Variants in TFEC observed in about 807,000 individuals in gnomAD.
TFEC encodes transcription factor EC.
Under a neutral mutation model 41.6 loss-of-function variants are expected in TFEC, and 31 were observed. The ratio of observed to expected loss-of-function variants is 0.74; its 90% CI spans 0.56 to 1.01. The LOEUF is 1.01. Ranked by LOEUF, TFEC falls within the 50% of genes least tolerant of loss-of-function variation. The pLI is 0.00. For missense variants in TFEC, 402 were observed against 404.1 expected, an observed-to-expected ratio of 0.99 and a Z score of 0.04; for synonymous variants, 143 against 140.6, an observed-to-expected ratio of 1.02 and a Z score of -0.12.
chr7:116,151,222 T>C (rs1360932418), intron 1 of TFEC, among the ~76,000 whole-genome samples: 1 of 151,666 alleles, frequency 6.6e-6, no homozygotes, highest in South Asian at 2.1e-4. Context: ...GAATATTTCC[T>C]TTGATATTAT....
intron 6 of TFEC, among the ~76,000 whole-genome samples, chr7:115,949,232 C>CATGGGTAGGAAGAATCAAT (rs1791789553): frequency 2.0e-5 from 3 of 152,056 alleles, no homozygotes; most frequent in Non-Finnish European, 4.4e-5. Context: ...ATTCCATGCT[C>CATGGGTAGGAAGAATCAAT]ATGGGTAGGA....
chr7:116,078,676 A>G (rs1245263292), intron 3 of TFEC, among the ~76,000 whole-genome samples: 1 of 152,146 alleles, frequency 6.6e-6, no homozygotes, highest in African/African-American at 2.4e-5. Context: ...AAGCAGTGAT[A>G]TTGAAATGGT....
intron 3 of TFEC, among the ~76,000 whole-genome samples, chr7:116,050,907 C>A (rs1016165842): frequency 2.0e-5 from 3 of 152,106 alleles, no homozygotes; most frequent in African/African-American, 7.2e-5. Flanking sequence ...CAAATGACCA[C>A]CAATGATAGA....
chr7:116,042,725 G>A (rs963647642), intron 3 of TFEC, among the ~76,000 whole-genome samples: 3 of 152,076 alleles, frequency 2.0e-5, no homozygotes, highest in Non-Finnish European at 2.9e-5. Context: ...AGGGATGATC[G>A]GGAAAATGAA....
At chr7:115,941,814 A>G (rs1227109054) in intron 7 of TFEC, 79 bp downstream of exon 7, 1 of 1,488,172 alleles carries the variant, frequency 6.7e-7, no homozygotes, top group East Asian at 2.4e-5. Context: ...AGAAAAAATA[A>G]ATGAGACCAA....
intron 1 of TFEC, among the ~76,000 whole-genome samples, chr7:116,023,051 A>T (rs75611751): frequency 2.0e-5 from 3 of 151,958 alleles, no homozygotes; most frequent in African/African-American, 7.2e-5. Context: ...ACAAATAGCT[A>T]ATTAACAATA....
chr7:115,942,239 T>C (rs555285860), intron 6 of TFEC, among the ~76,000 whole-genome samples, 199 bp from the exon 7 acceptor site: 1 of 152,070 alleles, frequency 6.6e-6, no homozygotes, highest in African/African-American at 2.4e-5. Flanking sequence ...AGAATGAAAA[T>C]AAGTGTCAAA....
At position 115,936,532 on chromosome 7, in the gene TFEC, T is replaced by A. The variant is rs1366480110; in HGVS notation, c.*4019A>T. The A allele has an allele frequency of 6.6e-6, 1 of 151,656 alleles. No homozygotes were observed. Among genetic ancestry groups the A allele is most frequent in the Non-Finnish European group, 1.5e-5 (1 of 67,658 alleles). The allele number at this position is 151,656 out of a possible 1,614,324, so 9.4% of individuals were successfully genotyped here. A position where few individuals can be genotyped will look rare whatever the true frequency, so the allele number is the denominator to read the frequency against. ...TAGGGTCAAAGACATTGTAAAAAAA[T>A]TTGGAACACTTAGTTATGCCATTTA... On this transcript the variant is annotated 3_prime_UTR_variant, in exon 8 of 8. Coordinates refer to ENST00000265440, the MANE Select transcript of TFEC (RefSeq NM_012252.4).
intron 3 of TFEC, among the ~76,000 whole-genome samples, chr7:116,097,394 A>T (rs914777065): frequency 1.3e-5 from 2 of 152,218 alleles, no homozygotes; most frequent in African/African-American, 4.8e-5. Flanking sequence ...TCAGTCAGAT[A>T]TTAACAACAA....
chr7:116,036,001 T>C (rs1292819864), intron 3 of TFEC, among the ~76,000 whole-genome samples: 1 of 152,060 alleles, frequency 6.6e-6, no homozygotes, highest in African/African-American at 2.4e-5. Context: ...GCCACATAAA[T>C]ATTAAATCTC....
In TFEC at chr7:115,960,605, T is replaced by C. The variant is rs1383333483; in HGVS notation, c.268-3812A>G. Among the ~76,000 whole-genome samples the C allele has an allele frequency of 4.6e-5, 7 of 151,392 alleles. No homozygotes were observed. In the East Asian group the frequency reaches 9.8e-4, roughly 21 times the overall value. On this transcript the variant is annotated intron_variant, in intron 3 of 7. Transcript: ENST00000265440. ...GCAGGGAAGCCAAAGGATGTGAAAG[T>C]GGTAAGAATGTATTAAGGAGAAACT...
intron 3 of TFEC, among the ~76,000 whole-genome samples, chr7:116,065,104 G>A (rs956696496): frequency 8.5e-5 from 13 of 152,230 alleles, no homozygotes; most frequent in African/African-American, 2.9e-4. Context: ...ACTACTCTTC[G>A]AAAAGGAGAC....
At chr7:116,124,947 G>A (rs757794190) in intron 1 of TFEC, among the ~76,000 whole-genome samples, 10 of 152,162 alleles carry the variant, frequency 6.6e-5, no homozygotes, top group Admixed American at 2.0e-4. Context: ...AGATCCACAT[G>A]TATTCAATAG....
chr7:116,001,925 C>T (rs1202351263), intron 1 of TFEC, among the ~76,000 whole-genome samples: 1 of 152,082 alleles, frequency 6.6e-6, no homozygotes, highest in Non-Finnish European at 1.5e-5. Flanking sequence ...TAAAAAGGTG[C>T]TCAACATCAC....
intron 1 of TFEC, among the ~76,000 whole-genome samples, chr7:116,120,618 T>C (rs1798090391): frequency 6.6e-6 from 1 of 152,026 alleles, no homozygotes; most frequent in South Asian, 2.1e-4. Flanking sequence ...CTTATGCATA[T>C]CTAAAATTAT....
intron 3 of TFEC, among the ~76,000 whole-genome samples, chr7:116,084,042 G>A (rs182174229): frequency 6.6e-6 from 1 of 151,956 alleles, no homozygotes; most frequent in East Asian, 1.9e-4. Context: ...TCTTTGTCTT[G>A]ATCCCCTCTG....
chr7:115,989,580 A>G (rs1319321771), intron 1 of TFEC, among the ~76,000 whole-genome samples: 1 of 152,156 alleles, frequency 6.6e-6, no homozygotes, highest in African/African-American at 2.4e-5. Context: ...ATTATATCCC[A>G]TGCCTGGCTC....
Position 115,949,188 on chromosome 7 carries a change from G to T in TFEC, c.515+1686C>A, listed in dbSNP as rs374884587. ...AGGAGAACTACAAACAACTGCTCAA[G>T]GAAATAAAAGAGCATACAAAGAAAT... On this transcript the variant is annotated intron_variant, in intron 6 of 7. Coordinates refer to ENST00000265440, the MANE Select transcript of TFEC (RefSeq NM_012252.4). 5.1e-4 allele frequency among the ~76,000 whole-genome samples: 77 copies of T among 152,104 alleles called. No individual in the cohort carries two copies. The East Asian group carries it at 8.9e-3, about 18-fold the overall frequency.
intron 1 of TFEC, among the ~76,000 whole-genome samples, chr7:116,009,360 T>G (rs184974711): frequency 3.9e-5 from 6 of 152,240 alleles, no homozygotes; most frequent in Admixed American, 3.3e-4. Flanking sequence ...GTCCCCATCA[T>G]CAATAATCAA....
Sources: allele counts gnomAD v4.1 joint callset (sites outside exome capture counted in the v4.1 genomes callset), GRCh38; gene constraint gnomAD v4.1.1; transcripts MANE v1.5; gene names NCBI Gene and HGNC (gene_info 2026-07-23, HGNC 2026-07-21).